Variants in TNRC6B observed in about 807,000 individuals in gnomAD.
TNRC6B encodes the protein trinucleotide repeat containing adaptor 6B, also known as trinucleotide repeat-containing gene 6B protein.
TNRC6B carries 52 observed loss-of-function variants against 203.6 expected under a neutral mutation model. The ratio of observed to expected loss-of-function variants is 0.26; its 90% CI spans 0.20 to 0.32. TNRC6B has a LOEUF of 0.32. Among genes scored for constraint, TNRC6B ranks in the 10% least tolerant of loss-of-function variants. TNRC6B has a pLI of 1.00. For synonymous variants in TNRC6B, 838 were observed against 845.7 expected (o/e 0.99, Z 0.16); for missense variants, 1,923 against 2,286.2 (o/e 0.84, Z 3.24).
At chr22:40,162,866 G>A (rs188744447) in intron 4 of TNRC6B, among the ~76,000 whole-genome samples, 1 of 152,156 alleles carries the variant, frequency 6.6e-6, no homozygotes. Context: ...CCACAAAGAG[G>A]TTCAGTAGAT....
chr22:40,319,447 A>G (rs1048770946), intron 21 of TNRC6B, among the ~76,000 whole-genome samples: 4 of 142,282 alleles, frequency 2.8e-5, no homozygotes, highest in African/African-American at 1.1e-4. Context: ...TTTTTGAGAC[A>G]GAGTCTTGTT....
At chr22:40,052,215 C>A (rs59934977) in intron 1 of TNRC6B, among the ~76,000 whole-genome samples, 1 of 152,270 alleles carries the variant, frequency 6.6e-6, no homozygotes, top group South Asian at 2.1e-4. Flanking sequence ...GTCATATTCT[C>A]TGAAAACTTT....
chr22:40,084,259 G>T (rs1369924457), intron 1 of TNRC6B, among the ~76,000 whole-genome samples: 2 of 152,210 alleles, frequency 1.3e-5, no homozygotes, highest in Non-Finnish European at 2.9e-5. Context: ...AAAGTTGTTT[G>T]CATGGGACGC....
chr22:40,197,288 GT>G (rs78107586), intron 1 of TNRC6B, among the ~76,000 whole-genome samples: 2,843 of 150,900 alleles, frequency 0.019, 61 homozygotes, highest in African/African-American at 0.05. Flanking sequence ...TGTTTTTCTT[GT>G]TTTTTTTTGA....
chr22:40,141,776 T>C (rs1205906921), intron 3 of TNRC6B, among the ~76,000 whole-genome samples: 1 of 152,036 alleles, frequency 6.6e-6, no homozygotes, highest in Non-Finnish European at 1.5e-5. Context: ...TTTTTGTTTT[T>C]GTTTTTGTTT....
At chr22:40,268,156 C>T (rs532161407) in intron 5 of TNRC6B, among the ~76,000 whole-genome samples, 2 of 152,242 alleles carry the variant, frequency 1.3e-5, no homozygotes, top group African/African-American at 2.4e-5. Flanking sequence ...GGCACGATCT[C>T]GGCTCGCTAT....
intron 1 of TNRC6B, among the ~76,000 whole-genome samples, chr22:40,088,643 C>T (rs1447390085): frequency 5.7e-5 from 7 of 122,778 alleles, no homozygotes; most frequent in South Asian, 2.6e-4. Flanking sequence ...TTAGTAGAGA[C>T]GGGGCTTCAC....
chr22:40,296,021 C>G (rs958474210), intron 12 of TNRC6B, among the ~76,000 whole-genome samples: 1 of 152,112 alleles, frequency 6.6e-6, no homozygotes, highest in Non-Finnish European at 1.5e-5. Context: ...ACCCATCTTT[C>G]CTGCCCGCAT....
At position 40,177,959 on chromosome 22, in the gene TNRC6B, AGTGT is replaced by A; in HGVS notation, c.-173_-170del. On this transcript the variant is annotated 5_prime_UTR_variant, in exon 1 of 23. Transcript: ENST00000454349. ...GAGGGAGAGAGAGAGCAAGAGGGAGAGTGTGTGAGAGAGAGTTAGTTCAAGCCAA... is the reference window on the plus strand; with the variant it reads ...GAGGGAGAGAGAGAGCAAGAGGGAGAGTGAGAGAGAGTTAGTTCAAGCCAA... The A allele has an allele frequency of 4.2e-6, 6 of 1,421,510 alleles. No individual in the cohort carries two copies. Among genetic ancestry groups the A allele is most frequent in the Non-Finnish European group, 5.5e-6 (6 of 1,092,672 alleles). 88.1% of individuals were successfully genotyped at this position (1,421,510 alleles called of 1,614,324 possible). A position where few individuals can be genotyped will look rare whatever the true frequency, so the allele number is the denominator to read the frequency against.
At chr22:40,281,665 T>G (rs1162486348) in intron 11 of TNRC6B, among the ~76,000 whole-genome samples, 1 of 152,226 alleles carries the variant, frequency 6.6e-6, no homozygotes, top group East Asian at 1.9e-4. Context: ...TCTTTTCAAT[T>G]TAATAAACCT....
At chr22:40,086,313 T>C (rs116103793) in intron 1 of TNRC6B, among the ~76,000 whole-genome samples, 1 of 152,360 alleles carries the variant, frequency 6.6e-6, no homozygotes, top group African/African-American at 2.4e-5. Context: ...AAGAGACCAG[T>C]AAGGTCTTAA....
intron 12 of TNRC6B, among the ~76,000 whole-genome samples, chr22:40,287,788 C>G (rs1365853518): frequency 6.6e-6 from 1 of 152,184 alleles, no homozygotes; most frequent in Non-Finnish European, 1.5e-5. Flanking sequence ...TCTGCAGCCT[C>G]TTGGAGTTGG....
At chr22:40,296,700 T>C (rs543691184) in intron 12 of TNRC6B, among the ~76,000 whole-genome samples, 235 of 151,948 alleles carry the variant, frequency 1.5e-3, no homozygotes, top group African/African-American at 5.5e-3. Flanking sequence ...CGATCTTTGC[T>C]TGCTGCAACC....
chr22:40,290,848 T>C (rs1282661372), intron 12 of TNRC6B, among the ~76,000 whole-genome samples: 1 of 152,196 alleles, frequency 6.6e-6, no homozygotes, highest in Admixed American at 6.5e-5. Context: ...ATCAGAGTGA[T>C]TTCAAAAGTG....
chr22:40,286,370 G>C (rs1198206757), intron 12 of TNRC6B, among the ~76,000 whole-genome samples: 1 of 152,132 alleles, frequency 6.6e-6, no homozygotes, highest in Admixed American at 6.6e-5. Context: ...AGCTGGGCAT[G>C]GTGGCACATG....
chr22:40,201,824 G>A (rs776562879), intron 1 of TNRC6B, among the ~76,000 whole-genome samples: 6 of 152,020 alleles, frequency 3.9e-5, no homozygotes, highest in African/African-American at 7.2e-5. Flanking sequence ...GCACCAGCAC[G>A]ATACTGAGAG....
Position 40,066,891 on chromosome 22 carries a change from CTTTT to C in TNRC6B, c.-121+21904_-121+21907del, listed in dbSNP as rs199704338. On this transcript the variant is annotated intron_variant, in intron 1 of 23. Coordinates refer to the TNRC6B transcript ENST00000301923. Reference sequence around the variant, plus strand: ...ACTCTTAACTGTGGAAGCTTCTTTTCTTTTTTTTTTTTTTCTTTTTAAATTTTTT... The same window carrying C: ...ACTCTTAACTGTGGAAGCTTCTTTTCTTTTTTTTTTCTTTTTAAATTTTTT... 2.9e-5 allele frequency among the ~76,000 whole-genome samples: 4 copies of C among 138,364 alleles called. No individual in the cohort carries two copies. The East Asian group carries it at 8.3e-4, about 29-fold the overall frequency. The allele number at this position is 138,364 out of a possible 152,430, so 90.8% of individuals were successfully genotyped here.
chr22:40,095,785 C>G (rs2068182297), intron 1 of TNRC6B, among the ~76,000 whole-genome samples: 1 of 151,682 alleles, frequency 6.6e-6, no homozygotes, highest in African/African-American at 2.4e-5. Context: ...CCAACATTCA[C>G]TGAATACCTA....
At chr22:40,288,425 C>T (rs1039523516) in intron 12 of TNRC6B, among the ~76,000 whole-genome samples, 2 of 152,198 alleles carry the variant, frequency 1.3e-5, no homozygotes, top group African/African-American at 4.8e-5. Flanking sequence ...TTAGAAGATG[C>T]TGGGTGCAGT....
Sources: gnomAD v4.1 joint callset for allele counts (sites outside exome capture counted in the v4.1 genomes callset) on GRCh38, gnomAD v4.1.1 for gene constraint, MANE v1.5 for transcripts, NCBI Gene and HGNC (gene_info 2026-07-23, HGNC 2026-07-21) for gene names.